The following DPF3 variants were observed in gnomAD, a reference collection of about 807,000 sequenced individuals.
DPF3 encodes double PHD fingers 3, also known as zinc finger protein DPF3.
A neutral mutation model predicts 56.8 loss-of-function variants in DPF3; 18 were observed. The observed-to-expected ratio is 0.32, with a 90% CI of 0.22 to 0.47. DPF3 has a LOEUF of 0.47. Among genes scored for constraint, DPF3 ranks in the 20% least tolerant of loss-of-function variants. The probability of loss-of-function intolerance (pLI) is 1.00; values close to 1 mark genes in which losing one functional copy is unlikely to be tolerated. For synonymous variants in DPF3, 188 were observed against 180.2 expected (o/e 1.04, Z -0.35); for missense variants, 403 against 488.8 (o/e 0.82, Z 1.65).
chr14:72,893,448 C>A (rs1411724641), intron 1 of DPF3, among the ~76,000 whole-genome samples: 1 of 152,170 alleles, frequency 6.6e-6, no homozygotes, highest in Admixed American at 6.5e-5. Context: ...TGGGCCCCAG[C>A]ACGCCCGGGA....
chr14:72,629,588 G>T, intron 9 of DPF3, 36 bp downstream of exon 9: 1 of 1,515,034 alleles, frequency 6.6e-7, no homozygotes, highest in Non-Finnish European at 8.9e-7. Context: ...CAGCTCTGTG[G>T]ATTTCTCCCT....
chr14:72,654,336 C>A (rs1886007442), intron 8 of DPF3, among the ~76,000 whole-genome samples: 1 of 152,098 alleles, frequency 6.6e-6, no homozygotes, highest in Admixed American at 6.5e-5. Flanking sequence ...TTGTCTACCC[C>A]AACTCTATGC....
At chr14:72,876,721 A>T (rs1886131761) in intron 1 of DPF3, among the ~76,000 whole-genome samples, 1 of 152,184 alleles carries the variant, frequency 6.6e-6, no homozygotes, top group African/African-American at 2.4e-5. Context: ...GAGCCTAACC[A>T]GACCCCACTG....
intron 1 of DPF3, among the ~76,000 whole-genome samples, chr14:72,878,722 A>G (rs780510705): frequency 6.6e-6 from 1 of 152,268 alleles, no homozygotes; most frequent in Non-Finnish European, 1.5e-5. Context: ...CCCCTGAAAG[A>G]AAGCAAAGCA....
intron 3 of DPF3, among the ~76,000 whole-genome samples, chr14:72,733,788 C>G (rs760301579): frequency 7.9e-5 from 12 of 152,164 alleles, no homozygotes; most frequent in Non-Finnish European, 1.0e-4. Flanking sequence ...ATCCTACCTG[C>G]ACTTTCCACT....
intron 1 of DPF3, among the ~76,000 whole-genome samples, chr14:72,830,743 A>G (rs1024335671): frequency 1.3e-5 from 2 of 152,244 alleles, no homozygotes; most frequent in Non-Finnish European, 2.9e-5. Context: ...TTTCTGGGTC[A>G]AAAGGACCTT....
At chr14:72,849,907 C>T (rs1402227724) in intron 1 of DPF3, among the ~76,000 whole-genome samples, 1 of 150,326 alleles carries the variant, frequency 6.7e-6, no homozygotes, top group Non-Finnish European at 1.5e-5. Context: ...CACCTGAGGT[C>T]AGGAGTTCAA....
chr14:72,798,501 A>C (rs740975), intron 1 of DPF3, among the ~76,000 whole-genome samples: 103,158 of 152,002 alleles, frequency 0.68, 35,264 homozygotes, highest in East Asian at 0.78. Context: ...ACTATTGCTC[A>C]ATCCAAAGAG....
At chr14:72,828,213 T>C (rs8005372) in intron 1 of DPF3, among the ~76,000 whole-genome samples, 4,154 of 152,290 alleles carry the variant, frequency 0.027, 188 homozygotes, top group African/African-American at 0.095. Flanking sequence ...GAGTACCTGC[T>C]ATGTGCTAAG....
chr14:72,778,725 G>A (rs1891850386), intron 1 of DPF3, among the ~76,000 whole-genome samples: 1 of 152,164 alleles, frequency 6.6e-6, no homozygotes, highest in Non-Finnish European at 1.5e-5. Flanking sequence ...GGACATGACT[G>A]AGGAAGTGTT....
intron 1 of DPF3, among the ~76,000 whole-genome samples, chr14:72,793,469 A>G (rs1269505765): frequency 6.6e-6 from 1 of 152,272 alleles, no homozygotes; most frequent in Non-Finnish European, 1.5e-5. Context: ...TGCCAGTCTA[A>G]TAAGGACACT....
chr14:72,691,568 A>G (rs1215971160), intron 7 of DPF3, among the ~76,000 whole-genome samples: 1 of 152,110 alleles, frequency 6.6e-6, no homozygotes, highest in Non-Finnish European at 1.5e-5. Flanking sequence ...CTCTACTAAA[A>G]ATACAAAAAT....
rs1282488858 is a variant in DPF3, at chr14:72,619,248, C to G, written c.*49G>C. ...AGGGCGCGTTCTGGTTTGAACTGGG[C>G]TCTGCTTTAGGATCTCCAGCAGCGA... On this transcript the variant is annotated 3_prime_UTR_variant, in exon 11 of 11. Coordinates refer to ENST00000556509, the MANE Select transcript of DPF3 (RefSeq NM_001280542.3). The G allele has an allele frequency of 6.6e-6, 10 of 1,526,450 alleles. No homozygotes were observed. Among genetic ancestry groups the G allele is most frequent in the Non-Finnish European group, 7.9e-6 (9 of 1,139,742 alleles). The allele number at this position is 1,526,450 out of a possible 1,614,324, so 94.6% of individuals were successfully genotyped here. A position where few individuals can be genotyped will look rare whatever the true frequency, so the allele number is the denominator to read the frequency against.
chr14:72,777,743 T>G (rs1485479936), intron 1 of DPF3, among the ~76,000 whole-genome samples: 1 of 152,112 alleles, frequency 6.6e-6, no homozygotes, highest in Admixed American at 6.5e-5. Flanking sequence ...TGACTCTCTC[T>G]CTCTTGCTCC....
intron 8 of DPF3, among the ~76,000 whole-genome samples, chr14:72,672,635 G>A (rs1033181037): frequency 6.6e-6 from 1 of 152,134 alleles, no homozygotes; most frequent in African/African-American, 2.4e-5. Context: ...GAAAGCTGAG[G>A]GAAGGTTGTG....
intron 2 of DPF3, among the ~76,000 whole-genome samples, chr14:72,759,742 A>T (rs888775317): frequency 6.6e-6 from 1 of 152,202 alleles, no homozygotes; most frequent in Non-Finnish European, 1.5e-5. Flanking sequence ...CATAATCAAA[A>T]CTGCTCAAAA....
chr14:72,852,924 T>A (rs1023901872), intron 1 of DPF3, among the ~76,000 whole-genome samples: 2 of 152,210 alleles, frequency 1.3e-5, no homozygotes, highest in Admixed American at 6.6e-5. Context: ...TTCTAAAGAA[T>A]CTGAATGGGA....
At chr14:72,753,896 G>A (rs1057057170) in intron 2 of DPF3, among the ~76,000 whole-genome samples, 4 of 152,060 alleles carry the variant, frequency 2.6e-5, no homozygotes, top group African/African-American at 9.7e-5. Context: ...CTCACTGTAG[G>A]CAAATGGAGG....
chr14:72,733,015 T>A (rs1889733521), intron 3 of DPF3, among the ~76,000 whole-genome samples: 1 of 152,024 alleles, frequency 6.6e-6, no homozygotes, highest in African/African-American at 2.4e-5. Context: ...CACTGCAGCC[T>A]CAAACTTCTG....
Sources: allele counts gnomAD v4.1 joint callset (sites outside exome capture counted in the v4.1 genomes callset), GRCh38; gene constraint gnomAD v4.1.1; transcripts MANE v1.5; gene names NCBI Gene and HGNC (gene_info 2026-07-23, HGNC 2026-07-21).